The following BRD4 variants were observed in gnomAD, a reference collection of about 807,000 sequenced individuals.
The protein encoded by BRD4 is bromodomain-containing protein 4.
Under a neutral mutation model 142.1 loss-of-function variants are expected in BRD4, and 16 were observed. The ratio of observed to expected loss-of-function variants is 0.11; its 90% confidence interval spans 0.08 to 0.17. BRD4 has a LOEUF of 0.17. BRD4 is among the 10% of genes least tolerant of loss of function. BRD4 has a pLI of 1.00. For synonymous variants in BRD4, 833 were observed against 707.5 expected (o/e 1.18, Z -2.82); for missense variants, 1,424 against 1,810.9 (o/e 0.79, Z 3.88).
rs201938372 is a variant in BRD4, at chr19:15,237,892, G to A, written c.*485C>T. 30 of 237,316 alleles carry A rather than the reference G, an allele frequency of 1.3e-4. No individual in the cohort carries two copies. The highest frequency in any genetic ancestry group is 4.0e-4 in the African/African-American group (18 of 45,368). 14.7% of individuals were successfully genotyped at this position (237,316 alleles called of 1,614,324 possible). On this transcript the variant is annotated 3_prime_UTR_variant, in exon 20 of 20. Coordinates refer to ENST00000679869, the MANE Select transcript of BRD4 (RefSeq NM_001379291.1). Reference sequence around the variant, plus strand: ...GCGAGGGGGTGGGCCGGCCTCGCCCGCCTCCAGCCCACGCAGGCCTGCCCT... The same window carrying A: ...GCGAGGGGGTGGGCCGGCCTCGCCCACCTCCAGCCCACGCAGGCCTGCCCT...
At chr19:15,288,761 G>A (rs2047759310) in intron 1 of BRD4, among the ~76,000 whole-genome samples, 2 of 152,230 alleles carry the variant, frequency 1.3e-5, no homozygotes, top group Non-Finnish European at 2.9e-5. Context: ...CCCTGCAGAT[G>A]GAGGAGGGCT....
chr19:15,321,678 T>C (rs1466233675), intron 1 of BRD4, among the ~76,000 whole-genome samples: 1 of 152,208 alleles, frequency 6.6e-6, no homozygotes, highest in Non-Finnish European at 1.5e-5. Flanking sequence ...ATTTTGTTTA[T>C]TTATACCAGA....
At chr19:15,289,421 CAT>C (rs1056926920) in intron 1 of BRD4, among the ~76,000 whole-genome samples, 4 of 152,088 alleles carry the variant, frequency 2.6e-5, no homozygotes, top group Non-Finnish European at 5.9e-5. Context: ...CATGGTGGCA[CAT>C]GTCTGTAATC....
rs757945788 is a variant in BRD4 at position 15,238,492 on chromosome 19, C to T, written c.4021-47G>A. 6 of 1,612,620 alleles carry T rather than the reference C, an allele frequency of 3.7e-6. No individual in the cohort carries two copies. The highest frequency in any genetic ancestry group is 5.1e-6 in the Non-Finnish European group (6 of 1,179,522). ...GAGTCAGGAGGATGACCTAGCCACC[C>T]TGCAGCTACAAGCCCTCATACCCGC... On this transcript the variant is annotated intron_variant, in intron 19 of 19. Coordinates refer to ENST00000679869, the MANE Select transcript of BRD4 (RefSeq NM_001379291.1). This position sits in a 1 kb window ranked among gnomAD's most constrained non-coding sequence, Gnocchi z 7.2.
chr19:15,243,057 A>G lies in BRD4; in HGVS notation c.3012T>C (p.Phe1004=). The part of the protein sequence containing the change: ...PRPVHLQPMQ[F]STHIQQPPPP... Reference sequence around the variant, plus strand: ...GCGGGGGCTGTTGGATGTGGGTGGAAAACTGCATGGGCTGCAAGTGCACGG... The same window carrying G: ...GCGGGGGCTGTTGGATGTGGGTGGAGAACTGCATGGGCTGCAAGTGCACGG... The change falls in exon 14 of 20, where the codon TTT becomes TTC. Residue 1004 remains phenylalanine, a synonymous_variant. Coordinates refer to ENST00000679869, the MANE Select transcript of BRD4 (RefSeq NM_001379291.1). 6.5e-7 allele frequency: 1 copy of G among 1,534,546 alleles called. No homozygotes were observed. The highest frequency in any genetic ancestry group is 8.8e-7 in the Non-Finnish European group (1 of 1,141,418).
At chr19:15,309,965 T>C (rs1241453081) in intron 1 of BRD4, among the ~76,000 whole-genome samples, 2 of 152,194 alleles carry the variant, frequency 1.3e-5, no homozygotes, top group Non-Finnish European at 2.9e-5. Context: ...ACCTGTTCTC[T>C]GTCTGCTCAA....
At chr19:15,261,130 T>C (rs192007104) in intron 7 of BRD4, among the ~76,000 whole-genome samples, 13 of 151,882 alleles carry the variant, frequency 8.6e-5, no homozygotes, top group African/African-American at 2.9e-4. Flanking sequence ...GGTGGAGGAG[T>C]TGAAGGCACC....
intron 1 of BRD4, among the ~76,000 whole-genome samples, chr19:15,295,161 C>A (rs1377380162): frequency 1.3e-5 from 2 of 152,222 alleles, no homozygotes; most frequent in African/African-American, 4.8e-5. Flanking sequence ...TGTCCCACTG[C>A]AGCCTGGGGG....
intron 1 of BRD4, among the ~76,000 whole-genome samples, chr19:15,314,978 C>T (rs2048004034): frequency 6.6e-6 from 1 of 152,142 alleles, no homozygotes; most frequent in South Asian, 2.1e-4. Context: ...CCCAGGAGCC[C>T]AGGGTGCTAC....
chr19:15,272,998 T>C lies in BRD4; in HGVS notation c.102A>G (p.Gln34=). Reference sequence around the variant, plus strand: ...TGCTGGCTGCGTTGGCTGGCTGGGGTTGGGCCTGGGCCTGTGTTGTAGACA... The same window carrying C: ...TGCTGGCTGCGTTGGCTGGCTGGGGCTGGGCCTGGGCCTGTGTTGTAGACA... ...SQMSTTQAQA[Q]PQPANAASTN... is the part of the protein sequence containing the mutation. Residue 34 remains glutamine, a synonymous_variant, in exon 2 of 20, where the codon CAA becomes CAG. Coordinates refer to ENST00000679869, the MANE Select transcript of BRD4 (RefSeq NM_001379291.1). The C allele has an allele frequency of 6.2e-7, 1 of 1,614,110 alleles. No individual in the cohort carries two copies. The highest frequency in any genetic ancestry group is 8.5e-7 in the Non-Finnish European group (1 of 1,180,018).
chr19:15,236,684 C>T lies in BRD4; in HGVS notation c.*1693G>A, dbSNP rs1210762569. The T allele has an allele frequency of 6.0e-6, 1 of 167,924 alleles. No individual in the cohort carries two copies. The highest frequency in any genetic ancestry group is 2.4e-5 in the African/African-American group (1 of 41,810). 10.4% of individuals were successfully genotyped at this position (167,924 alleles called of 1,614,324 possible). A position where few individuals can be genotyped will look rare whatever the true frequency, so the allele number is the denominator to read the frequency against. On this transcript the variant is annotated 3_prime_UTR_variant, in exon 20 of 20. Coordinates refer to ENST00000679869, the MANE Select transcript of BRD4 (RefSeq NM_001379291.1). Reference sequence around the variant, plus strand: ...GTGGTTGCTATGAGTCTGCGTGGCTCCCGCCCAGGGCAGACAGGGACAGGT... The same window carrying T: ...GTGGTTGCTATGAGTCTGCGTGGCTTCCGCCCAGGGCAGACAGGGACAGGT...
Position 15,272,811 on chromosome 19 carries a change from T to C in BRD4, c.285+4A>G, listed in dbSNP as rs1199733076. The C allele has an allele frequency of 1.9e-6, 3 of 1,612,374 alleles. No homozygotes were observed. Among genetic ancestry groups the C allele is most frequent in the Non-Finnish European group, 2.5e-6 (3 of 1,179,000 alleles). On this transcript the variant is annotated splice_donor_region_variant and intron_variant, in intron 2 of 19. Coordinates refer to ENST00000679869, the MANE Select transcript of BRD4 (RefSeq NM_001379291.1). ...CCACCCTGGGCCCTGCCCACACTAC[T>C]CACAGGGAGGTTCAGCTTGACGGCA... is the stretch of plus-strand genomic sequence containing the variant.
chr19:15,315,199 T>G (rs1327058002), intron 1 of BRD4, among the ~76,000 whole-genome samples: 1 of 152,054 alleles, frequency 6.6e-6, no homozygotes. Flanking sequence ...TCCTACTGAA[T>G]GAGATCACGT....
At position 15,257,101 on chromosome 19, in the gene BRD4, C is replaced by A; in HGVS notation, c.1414G>T (p.Ala472Ser). The change falls in exon 8 of 20, where the codon GCA (alanine) becomes TCA (serine). Residue 472 changes from alanine (A) to serine (S), a missense_variant. Ala to Ser is a moderately conservative substitution (Grantham distance 99). Transcript: ENST00000679869. Reference protein sequence around the residue: ...EEPVVAVSSPAVPPPTKVVAP... With the variant: ...EEPVVAVSSPSVPPPTKVVAP... Reference sequence around the variant, plus strand: ...ACAACCTTGGTGGGAGGGGGCACTGCCGGGGAGGACACGGCCACCACTGGC... The same window carrying A: ...ACAACCTTGGTGGGAGGGGGCACTGACGGGGAGGACACGGCCACCACTGGC... 1.2e-6 allele frequency: 2 copies of A among 1,608,590 alleles called. No homozygotes were observed. Among genetic ancestry groups the A allele is most frequent in the South Asian group, 2.2e-5 (2 of 90,008 alleles).
rs1171573745 is a variant in BRD4, at chr19:15,254,330, C to T, written c.2048-68G>A. 4.6e-6 allele frequency: 6 copies of T among 1,307,608 alleles called. No homozygotes were observed. In the African/African-American group the frequency reaches 8.7e-5, roughly 19 times the overall value. 81.0% of individuals were successfully genotyped at this position (1,307,608 alleles called of 1,614,324 possible). Reference sequence around the variant, plus strand: ...CCAGGAAGCCGCTCTAAGCCATGGGCACACCCCATCCATCTGGAGGAAGGA... The same window carrying T: ...CCAGGAAGCCGCTCTAAGCCATGGGTACACCCCATCCATCTGGAGGAAGGA... On this transcript the variant is annotated intron_variant, in intron 10 of 19. Transcript: ENST00000679869.
At chr19:15,319,020 T>C (rs1389607926) in intron 1 of BRD4, among the ~76,000 whole-genome samples, 1 of 152,096 alleles carries the variant, frequency 6.6e-6, no homozygotes, top group Non-Finnish European at 1.5e-5. Context: ...AAGTTGTAAA[T>C]GTCTAGAAAA....
intron 1 of BRD4, among the ~76,000 whole-genome samples, chr19:15,313,820 A>G (rs1382601319): frequency 2.6e-5 from 4 of 152,240 alleles, no homozygotes; most frequent in Admixed American, 2.6e-4. Context: ...ATGGGCAGGC[A>G]GGAGGGTGTG....
intron 1 of BRD4, among the ~76,000 whole-genome samples, chr19:15,301,311 C>G (rs1210910163): frequency 6.6e-6 from 1 of 152,188 alleles, no homozygotes; most frequent in East Asian, 1.9e-4. Flanking sequence ...GCCTGTAATC[C>G]CAGCACTTTG....
At chr19:15,274,950 C>T (rs1026603524) in intron 1 of BRD4, among the ~76,000 whole-genome samples, 1 of 151,822 alleles carries the variant, frequency 6.6e-6, no homozygotes, top group Admixed American at 6.6e-5. Context: ...CCTCTGCCTT[C>T]CAGGGTCAAG....
Sources: gnomAD v4.1 joint callset for allele counts (sites outside exome capture counted in the v4.1 genomes callset) on GRCh38, gnomAD v4.1.1 for gene constraint, Gnocchi (gnomAD v3.1) non-coding constraint, MANE v1.5 for transcripts, NCBI Gene and HGNC (gene_info 2026-07-23, HGNC 2026-07-21) for gene names.